IGF2BP2: variants seen among roughly 807,000 people sequenced by gnomAD.
The protein encoded by IGF2BP2 is insulin like growth factor 2 mRNA binding protein 2.
A neutral mutation model predicts 75.8 loss-of-function variants in IGF2BP2; 17 were observed. That is an observed-to-expected ratio of 0.22 (90% CI 0.15 to 0.34). IGF2BP2 has a LOEUF of 0.34. Among genes scored for constraint, IGF2BP2 ranks in the 10% least tolerant of loss-of-function variants. The pLI is 1.00. For missense variants in IGF2BP2, 516 were observed against 772.4 expected, an observed-to-expected ratio of 0.67 and a Z score of 3.93; for synonymous variants, 288 against 295.6, an observed-to-expected ratio of 0.97 and a Z score of 0.26.
chr3:185,672,473 A>G, intron 10 of IGF2BP2, 68 bp downstream of exon 10: 1 of 1,512,840 alleles, frequency 6.6e-7, no homozygotes, highest in Non-Finnish European at 9.0e-7. Flanking sequence ...GATTCCACAC[A>G]GCAGAGGCAT....
At chr3:185,771,471 CACTGTTTTA>C (rs1733869586) in intron 2 of IGF2BP2, among the ~76,000 whole-genome samples, 1 of 150,874 alleles carries the variant, frequency 6.6e-6, no homozygotes, top group South Asian at 2.1e-4. Flanking sequence ...TAAATATAAT[CACTGTTTTA>C]ACTGTTTTAC....
chr3:185,788,810 G>T (rs961090257), intron 2 of IGF2BP2, among the ~76,000 whole-genome samples: 1 of 149,930 alleles, frequency 6.7e-6, no homozygotes, highest in African/African-American at 2.5e-5. Context: ...CACCTCCTGG[G>T]TTCAAAGTAA....
At chr3:185,743,054 G>A (rs140437431) in intron 2 of IGF2BP2, among the ~76,000 whole-genome samples, 40 of 150,456 alleles carry the variant, frequency 2.7e-4, no homozygotes, top group Middle Eastern at 3.7e-3. Context: ...AGCCAAGATC[G>A]TGCCACTGCA....
At chr3:185,689,230 C>A in intron 6 of IGF2BP2, 125 bp downstream of exon 6, 1 of 968,570 alleles carries the variant, frequency 1.0e-6, no homozygotes, top group Non-Finnish European at 1.5e-6. Flanking sequence ...TGAAAGAAGC[C>A]ACTGTCTCTT....
intron 2 of IGF2BP2, among the ~76,000 whole-genome samples, chr3:185,770,443 A>G (rs563485508): frequency 6.6e-6 from 1 of 152,370 alleles, no homozygotes; most frequent in Non-Finnish European, 1.5e-5. Context: ...GATTTTATAC[A>G]TTGGAAAGTA....
chr3:185,716,651 T>A (rs757814468), intron 2 of IGF2BP2: 1 of 520,098 alleles, frequency 1.9e-6, no homozygotes, highest in Admixed American at 1.9e-5. Context: ...CCCTCAGCTG[T>A]CTTGGGCTCC....
intron 7 of IGF2BP2, among the ~76,000 whole-genome samples, chr3:185,686,211 T>C (rs540965495): frequency 1.3e-5 from 2 of 152,020 alleles, no homozygotes; most frequent in African/African-American, 2.4e-5. Flanking sequence ...TGGTGAAACC[T>C]TGTCTCTTCT....
At chr3:185,743,324 G>A (rs1424561901) in intron 2 of IGF2BP2, among the ~76,000 whole-genome samples, 2 of 152,040 alleles carry the variant, frequency 1.3e-5, no homozygotes, top group African/African-American at 4.8e-5. Flanking sequence ...TGCCCAGGCT[G>A]GAGTGCAGTA....
At chr3:185,676,239 C>T (rs1719328953) in intron 7 of IGF2BP2, among the ~76,000 whole-genome samples, 2 of 152,092 alleles carry the variant, frequency 1.3e-5, no homozygotes, top group Non-Finnish European at 2.9e-5. Flanking sequence ...GGGAGAGTGA[C>T]GTTAGCAAGA....
At chr3:185,665,929 T>C (rs1208191692) in intron 10 of IGF2BP2, among the ~76,000 whole-genome samples, 1 of 152,124 alleles carries the variant, frequency 6.6e-6, no homozygotes, top group East Asian at 1.9e-4. Flanking sequence ...ATTGCACCAG[T>C]GCACTTTAGC....
intron 2 of IGF2BP2, among the ~76,000 whole-genome samples, chr3:185,730,176 T>G (rs1727952748): frequency 6.6e-6 from 1 of 152,182 alleles, no homozygotes. Flanking sequence ...TCTTTATGTC[T>G]ATGTGTAGCC....
In IGF2BP2 at chr3:185,778,463, T is replaced by A. The variant is rs1734802458; in HGVS notation, c.239+44690A>T. On this transcript the variant is annotated intron_variant, in intron 2 of 15. Coordinates refer to ENST00000382199, the MANE Select transcript of IGF2BP2 (RefSeq NM_006548.6). ...TATAATAAAGCAACATAAAACTGAA[T>A]GACATTATTTGGGACCTGCTGTATA... Among the ~76,000 whole-genome samples, 2 of 152,226 alleles carry A rather than the reference T, an allele frequency of 1.3e-5. 1 individual carries two copies. Among genetic ancestry groups the A allele is most frequent in the African/African-American group, 4.8e-5 (2 of 41,462 alleles).
intron 12 of IGF2BP2, among the ~76,000 whole-genome samples, chr3:185,657,013 T>C (rs999808307): frequency 1.3e-5 from 2 of 152,180 alleles, no homozygotes; most frequent in Non-Finnish European, 2.9e-5. Flanking sequence ...TCAACCTTTC[T>C]TTATCTTCTT....
At chr3:185,646,748 G>T in intron 15 of IGF2BP2, 1 of 444,702 alleles carries the variant, frequency 2.2e-6, no homozygotes, top group South Asian at 2.3e-5. Flanking sequence ...AAACACTGCA[G>T]GGGGCTTGGA....
intron 2 of IGF2BP2, among the ~76,000 whole-genome samples, chr3:185,718,642 A>T (rs557862084): frequency 7.5e-6 from 1 of 133,042 alleles, no homozygotes; most frequent in African/African-American, 2.9e-5. Flanking sequence ...CTGAGATCAC[A>T]CCACCGCACT....
At chr3:185,798,231 C>G (rs980550062) in intron 2 of IGF2BP2, among the ~76,000 whole-genome samples, 1 of 152,064 alleles carries the variant, frequency 6.6e-6, no homozygotes, top group Admixed American at 6.6e-5. Context: ...GGGAAAAACA[C>G]GCCCACATTC....
chr3:185,665,592 G>A (rs1218497308), intron 10 of IGF2BP2, among the ~76,000 whole-genome samples: 1 of 146,872 alleles, frequency 6.8e-6, no homozygotes. Flanking sequence ...AAAGGAAGAA[G>A]AAGAAAAGGA....
intron 2 of IGF2BP2, among the ~76,000 whole-genome samples, chr3:185,725,529 T>C (rs1260375251): frequency 6.6e-6 from 1 of 152,178 alleles, no homozygotes; most frequent in African/African-American, 2.4e-5. Flanking sequence ...CTAGCGGAAC[T>C]TGACATAATT....
At chr3:185,690,136 A>G (rs1721754629) in intron 5 of IGF2BP2, among the ~76,000 whole-genome samples, 1 of 152,208 alleles carries the variant, frequency 6.6e-6, no homozygotes, top group South Asian at 2.1e-4. Flanking sequence ...AAGTAATCAC[A>G]ACGCATCAGC....
Sources: gnomAD v4.1 joint callset for allele counts (sites outside exome capture counted in the v4.1 genomes callset) on GRCh38, gnomAD v4.1.1 for gene constraint, MANE v1.5 for transcripts, NCBI Gene and HGNC (gene_info 2026-07-23, HGNC 2026-07-21) for gene names.